LIMS1: variants seen among roughly 807,000 people sequenced by gnomAD.
LIMS1 encodes LIM zinc finger domain containing 1, also known as LIM and senescent cell antigen-like-containing domain protein 1.
In LIMS1, 18 loss-of-function variants were observed where a neutral mutation model predicts 44.1. The observed-to-expected ratio is 0.41, with a 90% CI of 0.28 to 0.61. LIMS1 has a LOEUF of 0.61. LIMS1 is among the 20% of genes least tolerant of loss of function. LIMS1 has a pLI of 0.32. For synonymous variants in LIMS1, 93 were observed against 149.1 expected, an observed-to-expected ratio of 0.62 and a Z score of 2.74; for missense variants, 201 against 422.0, an observed-to-expected ratio of 0.48 and a Z score of 4.59.
intron 1 of LIMS1, among the ~76,000 whole-genome samples, chr2:108,555,221 G>T (rs547625768): frequency 2.0e-5 from 3 of 152,136 alleles, no homozygotes; most frequent in East Asian, 3.9e-4. Context: ...GGAGGGGGAA[G>T]CATTTTCCTT....
intron 1 of LIMS1, among the ~76,000 whole-genome samples, chr2:108,633,640 CT>C (rs1476739672): frequency 6.6e-6 from 1 of 152,124 alleles, no homozygotes; most frequent in Non-Finnish European, 1.5e-5. Flanking sequence ...AGAGATTGTT[CT>C]GTCTTATGCT....
intron 9 of LIMS1, chr2:108,681,477 C>G (rs1471735422): frequency 1.2e-5 from 12 of 978,662 alleles, no homozygotes; most frequent in Non-Finnish European, 1.5e-5. Context: ...CTTAATAGAC[C>G]CTGGAAAACA....
intron 1 of LIMS1, among the ~76,000 whole-genome samples, chr2:108,622,969 C>A: frequency 1.5e-5 from 2 of 132,782 alleles, no homozygotes; most frequent in Non-Finnish European, 1.6e-5. Flanking sequence ...TTTCAAACAA[C>A]TAGATTTTTT....
chr2:108,676,115 A>AG (rs1692545203), intron 6 of LIMS1, 87 bp downstream of exon 6: 1 of 1,433,892 alleles, frequency 7.0e-7, no homozygotes, highest in African/African-American at 1.4e-5. Context: ...CCCATGATTC[A>AG]GGGGTAACCA....
intron 1 of LIMS1, among the ~76,000 whole-genome samples, chr2:108,551,302 T>A (rs557987576): frequency 5.0e-4 from 74 of 147,450 alleles, no homozygotes; most frequent in African/African-American, 1.6e-3. Flanking sequence ...TATATATATA[T>A]AAATATATAT....
At chr2:108,652,882 CCCTCCCTG>C (rs1690597163) in intron 1 of LIMS1, among the ~76,000 whole-genome samples, 1 of 152,214 alleles carries the variant, frequency 6.6e-6, no homozygotes, top group Non-Finnish European at 1.5e-5. Context: ...TTCTTCCCCT[CCCTCCCTG>C]CCTCCTCACT....
At chr2:108,605,660 G>C (rs1417463352) in intron 1 of LIMS1, among the ~76,000 whole-genome samples, 1 of 152,120 alleles carries the variant, frequency 6.6e-6, no homozygotes, top group Non-Finnish European at 1.5e-5. Flanking sequence ...GTCAGTGTTT[G>C]GACTTAGTGA....
intron 1 of LIMS1, among the ~76,000 whole-genome samples, chr2:108,567,742 T>A (rs1031851091): frequency 6.6e-6 from 1 of 152,172 alleles, no homozygotes; most frequent in African/African-American, 2.4e-5. Context: ...TGGCTAATTT[T>A]TGTATTTTTA....
intron 1 of LIMS1, chr2:108,607,191 G>A (rs777964694): frequency 1.1e-5 from 17 of 1,550,554 alleles, no homozygotes; most frequent in Non-Finnish European, 1.4e-5. Context: ...CCATCTATGA[G>A]CATGGAGAGC....
chr2:108,580,604 G>T (rs1255894443), intron 1 of LIMS1, among the ~76,000 whole-genome samples: 1 of 152,190 alleles, frequency 6.6e-6, no homozygotes, highest in Non-Finnish European at 1.5e-5. Flanking sequence ...AGGAGGTGAT[G>T]GTGCCAGAAG....
intron 1 of LIMS1, among the ~76,000 whole-genome samples, chr2:108,609,630 T>C (rs373740288): frequency 2.0e-5 from 3 of 152,296 alleles, no homozygotes; most frequent in East Asian, 3.9e-4. Flanking sequence ...TTAATGTATT[T>C]CATATGATCT....
chr2:108,534,510 A>G (rs1192562395), exon 1 of LIMS1: 31 of 1,181,544 alleles, frequency 2.6e-5, no homozygotes, highest in African/African-American at 3.3e-5. Context: ...ACGCGGCTGG[A>G]GCGGCGCCGG....
chr2:108,551,118 G>GCCTA (rs1283229546), intron 1 of LIMS1, among the ~76,000 whole-genome samples: 4 of 151,932 alleles, frequency 2.6e-5, no homozygotes, highest in African/African-American at 9.7e-5. Flanking sequence ...CAGAGCAAGA[G>GCCTA]CCTACCTCAA....
In LIMS1 at chr2:108,678,508, A is replaced by G. The variant is rs577411847; in HGVS notation, c.823+481A>G. On this transcript the variant is annotated intron_variant, in intron 8 of 9. Coordinates refer to ENST00000544547, the Ensembl canonical transcript of LIMS1. ...AGAAAGGAAGCAGCTGTGTTTGCTA[A>G]GACTCGCTAACACACTTCTGCCAGA... 10 of 159,524 alleles carry G rather than the reference A, an allele frequency of 6.3e-5. No homozygotes were observed. The South Asian group carries it at 1.7e-3, about 27-fold the overall frequency. The allele number at this position is 159,524 out of a possible 1,614,324, so 9.9% of individuals were successfully genotyped here.
intron 2 of LIMS1, chr2:108,662,556 A>G: frequency 8.1e-7 from 1 of 1,229,730 alleles, no homozygotes; most frequent in Admixed American, 3.3e-5. Context: ...TAAATTGTTT[A>G]TCATTAAAAC....
Position 108,675,277 on chromosome 2 carries a change from C to T in LIMS1, c.531-601C>T, listed in dbSNP as rs555625531. On this transcript the variant is annotated intron_variant, in intron 5 of 9. Coordinates refer to ENST00000544547, the Ensembl canonical transcript of LIMS1. ...CAAGGGGCTGGCATCTGGTGAGGAC[C>T]TTCTTCTGCATCATTACATAGCAGA... 6.8e-3 allele frequency among the ~76,000 whole-genome samples: 1,036 copies of T among 151,494 alleles called. 3 individuals are homozygous for T. The highest frequency in any genetic ancestry group is 1.0e-2 in the Non-Finnish European group (676 of 67,902).
intron 1 of LIMS1, among the ~76,000 whole-genome samples, chr2:108,561,643 A>T (rs1343581756): frequency 1.9e-4 from 29 of 151,870 alleles, no homozygotes; most frequent in Admixed American, 1.9e-3. Context: ...GCATGTGCTC[A>T]CTTCATGTCT....
intron 1 of LIMS1, among the ~76,000 whole-genome samples, chr2:108,635,792 C>A (rs979553347): frequency 1.3e-5 from 2 of 151,010 alleles, no homozygotes; most frequent in Non-Finnish European, 3.0e-5. Context: ...TCCTCCCCCC[C>A]GTCTGTTCCT....
intron 1 of LIMS1, among the ~76,000 whole-genome samples, chr2:108,641,143 C>T (rs941783059): frequency 6.6e-6 from 1 of 152,124 alleles, no homozygotes; most frequent in Non-Finnish European, 1.5e-5. Flanking sequence ...GATGATATTC[C>T]ATCTGAAACG....
Sources: gnomAD v4.1 joint callset for allele counts (sites outside exome capture counted in the v4.1 genomes callset) on GRCh38, gnomAD v4.1.1 for gene constraint, MANE v1.5 for transcripts, NCBI Gene and HGNC (gene_info 2026-07-23, HGNC 2026-07-21) for gene names.